Variants in ZNF16 observed in about 807,000 individuals in gnomAD.
The protein encoded by ZNF16 is zinc finger protein 16, also known as zinc finger protein KOX9.
ZNF16 carries 7 observed loss-of-function variants against 9.0 expected under a neutral mutation model. The observed-to-expected ratio is 0.78, with a 90% CI of 0.44 to 1.47. ZNF16 has a LOEUF of 1.47. Among genes scored for constraint, ZNF16 ranks in the 40% most tolerant of loss-of-function variants. ZNF16 has a pLI of 0.01. For synonymous variants in ZNF16, 312 were observed against 301.5 expected (o/e 1.03, Z -0.36); for missense variants, 830 against 854.2 (o/e 0.97, Z 0.35).
chr8:144,936,796 G>A (rs933061826), intron 2 of ZNF16, among the ~76,000 whole-genome samples: 6 of 151,870 alleles, frequency 4.0e-5, no homozygotes, highest in South Asian at 4.2e-4. Flanking sequence ...GCATGATCTC[G>A]GCTCAATGCA....
chr8:144,930,554 T>A lies in ZNF16; in HGVS notation c.*184A>T. On this transcript the variant is annotated 3_prime_UTR_variant, in exon 3 of 3. Transcript: ENST00000394909. ...AAGACATCACAAGAGGCAAGAGCAG[T>A]GGCAGTGAGAAGGGAGCCTGTAAAG... 1 of 608,854 alleles carries A rather than the reference T, an allele frequency of 1.6e-6. No homozygotes were observed. Among genetic ancestry groups the A allele is most frequent in the Non-Finnish European group, 2.7e-6 (1 of 367,680 alleles). 37.7% of individuals were successfully genotyped at this position (608,854 alleles called of 1,614,324 possible).
Position 144,935,943 on chromosome 8 carries a change from TAACATAA to T in ZNF16, c.197-3360_197-3354del, listed in dbSNP as rs1451348322. ...ATTTAAACATTTACTGAGGTGAAAT[TAACATAA>T]CATAAAATCATTCTAAAACGAACAG... On this transcript the variant is annotated intron_variant, in intron 2 of 2. Transcript: ENST00000394909. Among the ~76,000 whole-genome samples, 3 of 150,462 alleles carry T rather than the reference TAACATAA, an allele frequency of 2.0e-5. No homozygotes were observed. In the East Asian group the frequency reaches 5.8e-4, roughly 29 times the overall value.
chr8:144,943,442 T>C lies in ZNF16; in HGVS notation c.196+2569A>G, dbSNP rs569440547. Among the ~76,000 whole-genome samples, 383 of 152,328 alleles carry C rather than the reference T, an allele frequency of 2.5e-3. 1 individual carries two copies. The highest frequency in any genetic ancestry group is 8.8e-3 in the African/African-American group (366 of 41,578). On this transcript the variant is annotated intron_variant, in intron 2 of 2. Coordinates refer to ENST00000394909, the MANE Select transcript of ZNF16 (RefSeq NM_006958.3). The stretch of plus-strand genomic sequence containing the variant: ...AATATTTTTTCCATCCCCTTCTCTA[T>C]TCTTTTCCTTCTTGAACATCCCTAC...
intron 1 of ZNF16, chr8:144,950,462 C>G (rs1016203133): frequency 6.6e-6 from 1 of 152,246 alleles, no homozygotes; most frequent in Non-Finnish European, 1.5e-5. Flanking sequence ...TCGCTCCGCC[C>G]GAGCTCGAAT....
Position 144,932,909 on chromosome 8 carries a change from C to T in ZNF16, c.197-319G>A, listed in dbSNP as rs1833593074. ...TGGCTGTCCCTTGACTCCCCTCTTCCTCGACACCCACACCAAACCACTGGC... is the reference window on the plus strand; with the variant it reads ...TGGCTGTCCCTTGACTCCCCTCTTCTTCGACACCCACACCAAACCACTGGC... On this transcript the variant is annotated intron_variant, in intron 2 of 2. Transcript: ENST00000394909. The surrounding 1 kb of genome is among the most constrained non-coding windows in gnomAD (Gnocchi z 5.0). 1.3e-5 allele frequency among the ~76,000 whole-genome samples: 2 copies of T among 152,224 alleles called. No homozygotes were observed. The highest frequency in any genetic ancestry group is 1.3e-4 in the Admixed American group (2 of 15,294).
rs537128275 is a variant in ZNF16 at position 144,950,035 on chromosome 8, A to G, written c.-10+762T>C. On this transcript the variant is annotated intron_variant, in intron 1 of 2. Coordinates refer to ENST00000394909, the MANE Select transcript of ZNF16 (RefSeq NM_006958.3). Reference sequence around the variant, plus strand: ...TCTGAGACAGGAGAAAAACTGCCCTATGGTGAGAGGTGAGACATGTTGGCA... The same window carrying G: ...TCTGAGACAGGAGAAAAACTGCCCTGTGGTGAGAGGTGAGACATGTTGGCA... Among the ~76,000 whole-genome samples the G allele has an allele frequency of 1.2e-3, 178 of 152,332 alleles. 1 individual carries two copies. The highest frequency in any genetic ancestry group is 2.3e-3 in the Non-Finnish European group (158 of 68,026).
At chr8:144,944,596 C>A (rs1163491002) in intron 2 of ZNF16, 1 of 152,246 alleles carries the variant, frequency 6.6e-6, no homozygotes, top group Non-Finnish European at 1.5e-5. Flanking sequence ...AGTCCAATGT[C>A]TGTGCTTTCT....
At chr8:144,940,369 C>T (rs1285180129) in intron 2 of ZNF16, among the ~76,000 whole-genome samples, 1 of 152,182 alleles carries the variant, frequency 6.6e-6, no homozygotes, top group Non-Finnish European at 1.5e-5. Context: ...TCTTCCTTTT[C>T]AACAAGGGTG....
rs1157061231 is a variant in ZNF16, at chr8:144,932,426, G to T, written c.361C>A (p.Pro121Thr). ...GACTGTGGCAGCCTCCTGCCTTCGG[G>T]GACTCCCCAGTCTCTTTCTGATACA... is the stretch of plus-strand genomic sequence containing the variant. ...DDVSERDWGVPEGRRLPQSLS... is the reference protein window; with the variant it reads ...DDVSERDWGVTEGRRLPQSLS... Residue 121 changes from proline (P) to threonine (T), a missense_variant, in exon 3 of 3, where the codon CCC becomes ACC. Transcript: ENST00000394909. This position sits in a 1 kb window ranked among gnomAD's most constrained non-coding sequence, Gnocchi z 5.0. The T allele has an allele frequency of 2.5e-6, 4 of 1,613,986 alleles. No homozygotes were observed. The African/African-American group carries it at 5.3e-5, about 22-fold the overall frequency.
chr8:144,949,888 T>C (rs118169507), intron 1 of ZNF16, among the ~76,000 whole-genome samples: 2,083 of 152,228 alleles, frequency 0.014, 27 homozygotes, highest in East Asian at 0.037. Flanking sequence ...AGGGTCTGTG[T>C]TGAGGTGGAT....
In ZNF16 at chr8:144,932,025, G is replaced by C; in HGVS notation, c.762C>G (p.Asn254Lys). 1 of 1,613,984 alleles carries C rather than the reference G, an allele frequency of 6.2e-7. No homozygotes were observed. ...KTFSQNSVLK[N>K]RHRSHMSEKA... The stretch of plus-strand genomic sequence containing the variant: ...TCTCACTCATATGAGATCGATGACG[G>C]TTTTTAAGAACTGAGTTCTGGCTGA... Residue 254 changes from asparagine to lysine, a missense_variant, in exon 3 of 3, where the codon AAC (asparagine) becomes AAG (lysine). Asn to Lys is a moderately conservative substitution (Grantham distance 94, BLOSUM62 0). Coordinates refer to ENST00000394909, the MANE Select transcript of ZNF16 (RefSeq NM_006958.3). The surrounding 1 kb of genome is among the most constrained non-coding windows in gnomAD (Gnocchi z 5.0).
Position 144,931,556 on chromosome 8 carries a change from C to T in ZNF16, c.1231G>A (p.Gly411Ser). 1 of 1,614,090 alleles carries T rather than the reference C, an allele frequency of 6.2e-7. No homozygotes were observed. Among genetic ancestry groups the T allele is most frequent in the Non-Finnish European group, 8.5e-7 (1 of 1,180,024 alleles). Reference protein sequence around the residue: ...GEKPYECNDCGKPFSRVSNLI... With the variant: ...GEKPYECNDCSKPFSRVSNLI... ...TTGGAGACCCGACTGAAGGGCTTGC[C>T]ACAATCATTACACTCATAAGGCTTC... The change falls in exon 3 of 3, where the codon GGC becomes AGC. Residue 411 changes from glycine (G) to serine (S), a missense_variant. Physicochemically the swap from Gly to Ser is moderately conservative, Grantham distance 56. Coordinates refer to ENST00000394909, the MANE Select transcript of ZNF16 (RefSeq NM_006958.3).
chr8:144,946,591 G>T (rs1345534068), intron 1 of ZNF16, among the ~76,000 whole-genome samples: 3 of 134,742 alleles, frequency 2.2e-5, no homozygotes, highest in African/African-American at 8.5e-5. Context: ...CCTGCTGTGG[G>T]TCTGTATCCT....
intron 2 of ZNF16, among the ~76,000 whole-genome samples, chr8:144,937,763 A>G (rs774514606): frequency 1.3e-5 from 2 of 151,920 alleles, no homozygotes; most frequent in Non-Finnish European, 2.9e-5. Flanking sequence ...TGTAGCCTTG[A>G]GCTGTTGGGC....
chr8:144,946,119 G>C lies in ZNF16; in HGVS notation c.88C>G (p.Arg30Gly). ...PSPWTPAAQARVRDAPAVTHP... is the reference protein window; with the variant it reads ...PSPWTPAAQAGVRDAPAVTHP... Reference sequence around the variant, plus strand: ...GTCACAGCAGGAGCATCTCTCACACGGGCCTGGGCTGCAGGGGTCCAGGGG... The same window carrying C: ...GTCACAGCAGGAGCATCTCTCACACCGGCCTGGGCTGCAGGGGTCCAGGGG... The change falls in exon 2 of 3, where the codon CGT becomes GGT. Residue 30 changes from arginine to glycine, a missense_variant. Physicochemically the swap from Arg to Gly is moderately radical, Grantham distance 125. Coordinates refer to ENST00000394909, the MANE Select transcript of ZNF16 (RefSeq NM_006958.3). The C allele has an allele frequency of 6.2e-7, 1 of 1,608,180 alleles. No homozygotes were observed.
chr8:144,940,375 G>C (rs1489424028), intron 2 of ZNF16, among the ~76,000 whole-genome samples: 3 of 152,128 alleles, frequency 2.0e-5, no homozygotes, highest in African/African-American at 4.8e-5. Flanking sequence ...TTTTCAACAA[G>C]GGTGTTTATT....
At chr8:144,945,947 C>T in intron 2 of ZNF16, 64 bp downstream of exon 2, 3 of 1,592,822 alleles carry the variant, frequency 1.9e-6, no homozygotes, top group Non-Finnish European at 2.6e-6. Flanking sequence ...GGGGTAAGCA[C>T]AGGGTTCCAT....
At chr8:144,949,894 T>G (rs1228393605) in intron 1 of ZNF16, among the ~76,000 whole-genome samples, 1 of 151,930 alleles carries the variant, frequency 6.6e-6, no homozygotes, top group Non-Finnish European at 1.5e-5. Context: ...TGTGTTGAGG[T>G]GGATTGGTAA....
At chr8:144,935,130 T>A (rs2130009300) in intron 2 of ZNF16, among the ~76,000 whole-genome samples, 1 of 152,238 alleles carries the variant, frequency 6.6e-6, no homozygotes, top group East Asian at 1.9e-4. Context: ...CTCTGTAATA[T>A]AAGAATTGTG....
Sources: gnomAD v4.1 joint callset for allele counts (sites outside exome capture counted in the v4.1 genomes callset) on GRCh38, gnomAD v4.1.1 for gene constraint, Gnocchi (gnomAD v3.1) non-coding constraint, MANE v1.5 for transcripts, NCBI Gene and HGNC (gene_info 2026-07-23, HGNC 2026-07-21) for gene names.